Variants in LMNB2 observed in about 807,000 individuals in gnomAD.
LMNB2 encodes the protein lamin-B2.
A neutral mutation model predicts 69.3 loss-of-function variants in LMNB2; 17 were observed. The observed-to-expected ratio is 0.25, with a 90% confidence interval of 0.17 to 0.37. The LOEUF (loss-of-function observed/expected upper bound fraction) is 0.37. Ranked by LOEUF, LMNB2 falls within the 10% of genes least tolerant of loss-of-function variation. The pLI is 1.00. For synonymous variants in LMNB2, 397 were observed against 389.3 expected (o/e 1.02, Z -0.23); for missense variants, 789 against 883.6 (o/e 0.89, Z 1.36).
chr19:2,433,808 C>G lies in LMNB2; in HGVS notation c.1482+18G>C. The G allele has an allele frequency of 6.2e-7, 1 of 1,613,078 alleles. No individual in the cohort carries two copies. The highest frequency in any genetic ancestry group is 8.5e-7 in the Non-Finnish European group (1 of 1,179,838). ...CTGGGTCACCCCGTTACCCCCATGC[C>G]CCGGTCTTTCCGGTCACCTTGTCCG... On this transcript the variant is annotated intron_variant, in intron 8 of 11. Coordinates refer to ENST00000325327, the MANE Select transcript of LMNB2 (RefSeq NM_032737.4).
intron 2 of LMNB2, among the ~76,000 whole-genome samples, 196 bp downstream of exon 2, chr19:2,444,208 T>C (rs1971928504): frequency 6.6e-6 from 1 of 152,230 alleles, no homozygotes; most frequent in Admixed American, 6.5e-5. Flanking sequence ...TGCTGTCCGA[T>C]GTGAGCATCT....
chr19:2,438,702 T>A (rs1292487393), intron 2 of LMNB2, among the ~76,000 whole-genome samples, 171 bp from the exon 3 acceptor site: 8 of 152,228 alleles, frequency 5.3e-5, no homozygotes, highest in Non-Finnish European at 1.2e-4. Context: ...AAGGCACACG[T>A]GCCCTCATCA....
Position 2,456,672 on chromosome 19 carries a change from C to G in LMNB2, c.262G>C (p.Glu88Gln). ...GGCCCCTAAGCCCCGGCGCCCACCTCGCGCGTGGTCACCTCCTCCTTCTCT... is the reference window on the plus strand; with the variant it reads ...GGCCCCTAAGCCCCGGCGCCCACCTGGCGCGTGGTCACCTCCTCCTTCTCT... ...ISEKEEVTTR[E>Q]VSGIKALYES... The change falls in exon 1 of 12, where the codon GAG becomes CAG. Residue 88 changes from glutamate (E) to glutamine (Q), a missense_variant and splice_region_variant. This residue lies in a region of LMNB2 where 145 missense variants were observed against 228.9 expected (regional missense o/e 0.63). Coordinates refer to ENST00000325327, the MANE Select transcript of LMNB2 (RefSeq NM_032737.4). 1 of 1,535,038 alleles carries G rather than the reference C, an allele frequency of 6.5e-7. No homozygotes were observed. The highest frequency in any genetic ancestry group is 8.8e-7 in the Non-Finnish European group (1 of 1,141,194).
chr19:2,430,857 AAT>A lies in LMNB2; in HGVS notation c.*52_*53del. On this transcript the variant is annotated 3_prime_UTR_variant, in exon 12 of 12. Transcript: ENST00000325327. ...AACTAAAGAAAGCCAATGATATAAA[AAT>A]AGTTTTCAGTGGCTCTGGGTAAAGA... The A allele has an allele frequency of 8.8e-7, 1 of 1,134,030 alleles. No individual in the cohort carries two copies. Among genetic ancestry groups the A allele is most frequent in the Non-Finnish European group, 1.3e-6 (1 of 741,272 alleles). 70.2% of individuals were successfully genotyped at this position (1,134,030 alleles called of 1,614,324 possible).
rs970165755 is a variant in LMNB2 at position 2,429,147 on chromosome 19, AG to A, written c.*1763del. 6.6e-6 allele frequency: 1 copy of A among 152,310 alleles called. No homozygotes were observed. The highest frequency in any genetic ancestry group is 2.4e-5 in the African/African-American group (1 of 41,440). The allele number at this position is 152,310 out of a possible 1,614,324, so 9.4% of individuals were successfully genotyped here. A position where few individuals can be genotyped will look rare whatever the true frequency, so the allele number is the denominator to read the frequency against. Reference sequence around the variant, plus strand: ...GCTGAGACCACTGCAGACTCCCCATAGGACAAGATCACCAAGACCCACCCCC... The same window carrying A: ...GCTGAGACCACTGCAGACTCCCCATAGACAAGATCACCAAGACCCACCCCC... On this transcript the variant is annotated 3_prime_UTR_variant, in exon 12 of 12. Coordinates refer to ENST00000325327, the MANE Select transcript of LMNB2 (RefSeq NM_032737.4).
chr19:2,455,574 C>T (rs569006440), intron 1 of LMNB2, among the ~76,000 whole-genome samples: 1 of 152,266 alleles, frequency 6.6e-6, no homozygotes, highest in Non-Finnish European at 1.5e-5. Context: ...ACGGAAGGGT[C>T]CCCAGAGCTA....
At chr19:2,431,519 C>G (rs1346189564) in intron 11 of LMNB2, 29 bp downstream of exon 11, 1 of 1,613,934 alleles carries the variant, frequency 6.2e-7, no homozygotes, top group Admixed American at 1.7e-5. Flanking sequence ...AGGCTGCCCC[C>G]CAGCCGCAAG....
In LMNB2 at chr19:2,434,939, C is replaced by T. The variant is rs779589357; in HGVS notation, c.856-26G>A. 54 of 1,590,514 alleles carry T rather than the reference C, an allele frequency of 3.4e-5. No homozygotes were observed. The Admixed American group carries it at 6.2e-4, about 18-fold the overall frequency. On this transcript the variant is annotated intron_variant, in intron 5 of 11. Coordinates refer to ENST00000325327, the MANE Select transcript of LMNB2 (RefSeq NM_032737.4). ...CTGTGGGGAGACGGGCGGGTGAGTGCGGGCGCGGGGCGGGGCGGGGTTCCC... is the reference window on the plus strand; with the variant it reads ...CTGTGGGGAGACGGGCGGGTGAGTGTGGGCGCGGGGCGGGGCGGGGTTCCC...
rs112655203 is a variant in LMNB2, at chr19:2,454,650, C to T, written c.264+2020G>A. Among the ~76,000 whole-genome samples the T allele has an allele frequency of 6.9e-3, 1,054 of 152,240 alleles. 7 individuals are homozygous for T. Among genetic ancestry groups the T allele is most frequent in the Non-Finnish European group, 0.012 (820 of 68,000 alleles). On this transcript the variant is annotated intron_variant, in intron 1 of 11. Transcript: ENST00000325327. ...CCACGTCCTCTGATCTCCAGATGGG[C>T]GAGTGGGGACTGGGCGCTGCAAATC... is the stretch of plus-strand genomic sequence containing the variant.
In LMNB2 at chr19:2,438,483, C is replaced by T; in HGVS notation, c.450G>A (p.Lys150=). ...TCCGGTGGAACAGGGACTCCAGGTC[C>T]TTCACACGGCCCTGGGCCACCGTAA... ...GELTVAQGRV[K]DLESLFHRSE... Residue 150 remains lysine, a synonymous_variant, in exon 3 of 12, where the codon AAG becomes AAA. Transcript: ENST00000325327. The T allele has an allele frequency of 1.2e-6, 2 of 1,611,766 alleles. No homozygotes were observed. Among genetic ancestry groups the T allele is most frequent in the Non-Finnish European group, 1.7e-6 (2 of 1,179,780 alleles).
chr19:2,444,731 G>A (rs1308621691), intron 1 of LMNB2, among the ~76,000 whole-genome samples, 191 bp from the exon 2 acceptor site: 3 of 152,158 alleles, frequency 2.0e-5, no homozygotes, highest in East Asian at 3.9e-4. Context: ...GCCCCCTGTC[G>A]GGGAGGGTCC....
At chr19:2,449,438 TAATA>T (rs987603754) in intron 1 of LMNB2, among the ~76,000 whole-genome samples, 1 of 152,206 alleles carries the variant, frequency 6.6e-6, no homozygotes, top group African/African-American at 2.4e-5. Context: ...TGACTTGAAT[TAATA>T]GTTTGTTCAT....
At chr19:2,437,013 C>G (rs889891110) in intron 4 of LMNB2, 1 of 152,598 alleles carries the variant, frequency 6.6e-6, no homozygotes, top group Non-Finnish European at 1.5e-5. Context: ...CAGGCCCCTT[C>G]ACAACTGCCC....
intron 4 of LMNB2, among the ~76,000 whole-genome samples, chr19:2,435,999 A>C (rs533815591): frequency 6.6e-6 from 1 of 152,188 alleles, no homozygotes; most frequent in South Asian, 2.1e-4. Flanking sequence ...AAATACAAAA[A>C]TTAGGCCGGG....
intron 2 of LMNB2, among the ~76,000 whole-genome samples, chr19:2,442,644 T>C (rs12459832): frequency 0.26 from 38,924 of 151,596 alleles, 5,515 homozygotes; most frequent in African/African-American, 0.39. Context: ...CTACTCGGGG[T>C]GGGGCTGAGG....
chr19:2,449,299 G>T (rs1055258987), intron 1 of LMNB2, among the ~76,000 whole-genome samples: 1 of 152,188 alleles, frequency 6.6e-6, no homozygotes, highest in Non-Finnish European at 1.5e-5. Context: ...AGGAGGCCAC[G>T]CCCAAGCCTG....
intron 8 of LMNB2, 100 bp downstream of exon 8, chr19:2,433,726 C>A: frequency 6.9e-7 from 1 of 1,444,114 alleles, no homozygotes; most frequent in Non-Finnish European, 9.6e-7. Context: ...GTCACCTTGT[C>A]CCCTGCCTCG....
rs553795982 is a variant in LMNB2 at position 2,428,780 on chromosome 19, T to A, written c.*2131A>T. ...TGTTTCCCAGGCCATAAATAACTTT[T>A]AAAAATTTGATTTTCTTAGTGTTTC... On this transcript the variant is annotated 3_prime_UTR_variant, in exon 12 of 12. Coordinates refer to ENST00000325327, the MANE Select transcript of LMNB2 (RefSeq NM_032737.4). 4 of 152,368 alleles carry A rather than the reference T, an allele frequency of 2.6e-5. No homozygotes were observed. The highest frequency in any genetic ancestry group is 3.9e-4 in the East Asian group (2 of 5,190). 9.4% of individuals were successfully genotyped at this position (152,368 alleles called of 1,614,324 possible).
Position 2,453,783 on chromosome 19 carries a change from A to G in LMNB2, c.264+2887T>C, listed in dbSNP as rs60571731. On this transcript the variant is annotated intron_variant, in intron 1 of 11. Transcript: ENST00000325327. The surrounding 1 kb of genome is among the most constrained non-coding windows in gnomAD (Gnocchi z 4.4). ...GTGGGGCTGGGGCTGGTACCTCCCC[A>G]GCACTCACCAGGCCCTGCACCCTCA... Among the ~76,000 whole-genome samples, 32,589 of 151,970 alleles carry G rather than the reference A, an allele frequency of 0.21. 3,547 individuals carry two copies. Among genetic ancestry groups the G allele is most frequent in the Middle Eastern group, 0.26 (77 of 294 alleles).
Sources: allele counts gnomAD v4.1 joint callset (sites outside exome capture counted in the v4.1 genomes callset), GRCh38; gene constraint gnomAD v4.1.1; regional missense constraint gnomAD v4.1.1; non-coding constraint Gnocchi (gnomAD v3.1); transcripts MANE v1.5; gene names NCBI Gene and HGNC (gene_info 2026-07-23, HGNC 2026-07-21).